Variants in GPR89A observed in about 807,000 individuals in gnomAD.
The protein encoded by GPR89A is G protein-coupled receptor 89A.
GPR89A carries 16 observed loss-of-function variants against 52.0 expected under a neutral mutation model. The ratio of observed to expected loss-of-function variants is 0.31; its 90% CI spans 0.21 to 0.47. The LOEUF is 0.47. Among genes scored for constraint, GPR89A ranks in the 20% least tolerant of loss-of-function variants. The pLI is 1.00. For synonymous variants in GPR89A, 55 were observed against 150.9 expected, an observed-to-expected ratio of 0.36 and a Z score of 4.66; for missense variants, 135 against 449.4, an observed-to-expected ratio of 0.30 and a Z score of 6.33.
chr1:145,666,626 C>T (rs1247223522), intron 12 of GPR89A, among the ~76,000 whole-genome samples: 5 of 151,570 alleles, frequency 3.3e-5, no homozygotes, highest in South Asian at 4.2e-4. Flanking sequence ...CATTTGGATA[C>T]ATGTGCCATG....
intron 1 of GPR89A, among the ~76,000 whole-genome samples, chr1:145,611,027 TAAG>T (rs1259015249): frequency 3.9e-5 from 6 of 152,298 alleles, no homozygotes; most frequent in South Asian, 2.1e-4. Flanking sequence ...TCATTTTTAA[TAAG>T]AAGCTATACG....
intron 1 of GPR89A, among the ~76,000 whole-genome samples, chr1:145,609,117 C>A (rs1477380296): frequency 6.6e-6 from 1 of 152,152 alleles, no homozygotes; most frequent in Admixed American, 6.5e-5. Flanking sequence ...TGACCTTCTT[C>A]CCCCCATCTT....
chr1:145,633,847 A>G (rs1487149833), intron 7 of GPR89A, among the ~76,000 whole-genome samples: 2 of 148,906 alleles, frequency 1.3e-5, no homozygotes, highest in East Asian at 2.0e-4. Flanking sequence ...TAACAATACT[A>G]ATGTTCAATG....
rs200938116 is a variant in GPR89A at position 145,662,781 on chromosome 1, C to T, written c.910-548C>T. On this transcript the variant is annotated intron_variant, in intron 10 of 13. Transcript: ENST00000313835. ...GATGTGGTTGTTTCTTTTTTTTTAA[C>T]GTGGTTGGATTTTAAACTACTGTGT... is the stretch of plus-strand genomic sequence containing the variant. 3.3e-5 allele frequency among the ~76,000 whole-genome samples: 5 copies of T among 151,940 alleles called. No homozygotes were observed. In the East Asian group the frequency reaches 7.8e-4, roughly 24 times the overall value.
rs1325333399 is a variant in GPR89A at position 145,632,229 on chromosome 1, T to C, written c.617+485T>C. 3.3e-5 allele frequency among the ~76,000 whole-genome samples: 5 copies of C among 152,350 alleles called. No homozygotes were observed. The South Asian group carries it at 6.2e-4, about 19-fold the overall frequency. On this transcript the variant is annotated intron_variant, in intron 7 of 13. Coordinates refer to ENST00000313835, the MANE Select transcript of GPR89A (RefSeq NM_001097612.2). Reference sequence around the variant, plus strand: ...TAATTAACATATCTATCACCTCACATGTTTATTTTTTTGTGGTGAAAACAT... The same window carrying C: ...TAATTAACATATCTATCACCTCACACGTTTATTTTTTTGTGGTGAAAACAT...
chr1:145,613,409 A>G (rs782683701), intron 1 of GPR89A, among the ~76,000 whole-genome samples: 78 of 152,120 alleles, frequency 5.1e-4, no homozygotes, highest in Non-Finnish European at 1.0e-3. Context: ...ACACATTTCT[A>G]TAATGTTTCT....
At chr1:145,652,323 G>T (rs1229050967) in intron 10 of GPR89A, among the ~76,000 whole-genome samples, 1 of 152,202 alleles carries the variant, frequency 6.6e-6, no homozygotes, top group African/African-American at 2.4e-5. Flanking sequence ...TGTTGAACCA[G>T]TGTTGCATAC....
intron 7 of GPR89A, among the ~76,000 whole-genome samples, chr1:145,638,968 A>AT (rs1650435235): frequency 6.7e-6 from 1 of 149,322 alleles, no homozygotes; most frequent in Admixed American, 6.6e-5. Context: ...TGAAAATCCA[A>AT]TTTTTTTAAA....
chr1:145,638,853 A>G (rs1432968038), intron 7 of GPR89A, among the ~76,000 whole-genome samples: 1 of 141,974 alleles, frequency 7.0e-6, no homozygotes, highest in Non-Finnish European at 1.5e-5. Flanking sequence ...AGCCAGGAGC[A>G]GTGGTGAATG....
rs1395164279 is a variant in GPR89A, at chr1:145,667,299, C to G, written c.1095+1648C>G. On this transcript the variant is annotated intron_variant, in intron 12 of 13. Transcript: ENST00000313835. The stretch of plus-strand genomic sequence containing the variant: ...CATCCTAACTGGTGTGAGATGGTAT[C>G]TCATTGTGGTTTTGATTTGCATTTC... Among the ~76,000 whole-genome samples the G allele has an allele frequency of 6.6e-4, 101 of 152,268 alleles. 2 individuals carry two copies. The highest frequency in any genetic ancestry group is 1.1e-3 in the Non-Finnish European group (74 of 68,014).
intron 11 of GPR89A, 150 bp from the exon 12 acceptor site, chr1:145,665,412 A>G: frequency 2.2e-6 from 2 of 893,398 alleles, no homozygotes; most frequent in Admixed American, 2.1e-5. Context: ...TTTGCCACCT[A>G]CTTGCTTTCC....
chr1:145,633,051 G>GGC (rs1649990633), intron 7 of GPR89A, among the ~76,000 whole-genome samples: 1 of 145,628 alleles, frequency 6.9e-6, no homozygotes, highest in African/African-American at 2.6e-5. Context: ...CTTCTTTTGA[G>GGC]AAATGTCTAT....
intron 10 of GPR89A, among the ~76,000 whole-genome samples, chr1:145,647,495 C>G (rs1235431416): frequency 5.9e-5 from 9 of 151,834 alleles, no homozygotes; most frequent in Admixed American, 3.3e-4. Flanking sequence ...GTTAATAAGG[C>G]CTTAGTTTAT....
At chr1:145,634,030 A>G (rs1275307645) in intron 7 of GPR89A, among the ~76,000 whole-genome samples, 1 of 151,904 alleles carries the variant, frequency 6.6e-6, no homozygotes, top group African/African-American at 2.4e-5. Context: ...TCCCATGCTC[A>G]TGGACTGGTG....
chr1:145,647,871 CTCTCTCTCTATATATATA>C (rs1651148376), intron 10 of GPR89A, among the ~76,000 whole-genome samples: 271 of 88,372 alleles, frequency 3.1e-3, no homozygotes, highest in Non-Finnish European at 5.3e-3. Flanking sequence ...CTCTCTCTCT[CTCTCTCTCTATATATATA>C]TATATATATA....
intron 5 of GPR89A, among the ~76,000 whole-genome samples, chr1:145,629,475 A>G (rs1197815070): frequency 1.3e-5 from 2 of 152,204 alleles, no homozygotes; most frequent in African/African-American, 2.4e-5. Flanking sequence ...GCCGAAGACA[A>G]TGGAGAGAGA....
At chr1:145,662,198 C>G in intron 10 of GPR89A, among the ~76,000 whole-genome samples, 1 of 152,182 alleles carries the variant, frequency 6.6e-6, no homozygotes, top group African/African-American at 2.4e-5. Context: ...GAGAGGGGAT[C>G]CAGCTATTGT....
At position 145,669,876 on chromosome 1, in the gene GPR89A, A is replaced by G; in HGVS notation, c.1204A>G (p.Met402Val). ...VSSVLLIRMS[M>V]PLEYRTIITE... ...CTCTGTGCTGCTGATCCGAATGAGTATGCCTTTAGAATACCGCACCATAAT... is the reference window on the plus strand; with the variant it reads ...CTCTGTGCTGCTGATCCGAATGAGTGTGCCTTTAGAATACCGCACCATAAT... Residue 402 changes from methionine (M) to valine (V), a missense_variant, in exon 14 of 14, where the codon ATG becomes GTG. Met to Val is a conservative substitution (Grantham distance 21, BLOSUM62 1). Transcript: ENST00000313835. The G allele has an allele frequency of 2.1e-6, 3 of 1,395,538 alleles. No homozygotes were observed. Among genetic ancestry groups the G allele is most frequent in the Non-Finnish European group, 3.0e-6 (3 of 993,624 alleles). The allele number at this position is 1,395,538 out of a possible 1,614,324, so 86.4% of individuals were successfully genotyped here.
intron 3 of GPR89A, among the ~76,000 whole-genome samples, chr1:145,621,918 A>AC (rs1649165730): frequency 6.8e-6 from 1 of 146,022 alleles, no homozygotes; most frequent in Non-Finnish European, 1.5e-5. Flanking sequence ...CAAAAAAAAA[A>AC]CAGAAAATAA....
Sources: gnomAD v4.1 joint callset for allele counts (sites outside exome capture counted in the v4.1 genomes callset) on GRCh38, gnomAD v4.1.1 for gene constraint, MANE v1.5 for transcripts, NCBI Gene and HGNC (gene_info 2026-07-23, HGNC 2026-07-21) for gene names.